The following SND1 variants were observed in gnomAD, a reference collection of about 807,000 sequenced individuals.
SND1 encodes staphylococcal nuclease domain-containing protein 1.
Under a neutral mutation model 121.7 loss-of-function variants are expected in SND1, and 38 were observed. The ratio of observed to expected loss-of-function variants is 0.31; its 90% CI spans 0.24 to 0.41. The LOEUF (loss-of-function observed/expected upper bound fraction) is 0.41, where lower values mean the gene tolerates loss of function less well. Ranked by LOEUF, SND1 falls within the 10% of genes least tolerant of loss-of-function variation. The pLI is 1.00. For synonymous variants in SND1, 401 were observed against 447.4 expected (o/e 0.90, Z 1.31); for missense variants, 868 against 1,184.6 (o/e 0.73, Z 3.92).
intron 11 of SND1, among the ~76,000 whole-genome samples, chr7:127,839,753 C>A (rs1798930243): frequency 6.6e-6 from 1 of 152,124 alleles, no homozygotes; most frequent in South Asian, 2.1e-4. Context: ...TACCCTCTTA[C>A]CTTTGAGAAC....
intron 9 of SND1, among the ~76,000 whole-genome samples, chr7:127,712,757 TA>T (rs1796319113): frequency 6.6e-6 from 1 of 152,202 alleles, no homozygotes; most frequent in South Asian, 2.1e-4. Context: ...TGGGCTTATG[TA>T]TAGATACGTT....
chr7:128,030,360 G>C (rs1181040964), intron 16 of SND1: 1 of 1,614,038 alleles, frequency 6.2e-7, no homozygotes, highest in Non-Finnish European at 8.5e-7. Flanking sequence ...GTGGCGGAAG[G>C]TGTCGGCCTG....
chr7:127,806,457 G>A (rs945364164), intron 10 of SND1, among the ~76,000 whole-genome samples: 2 of 152,244 alleles, frequency 1.3e-5, no homozygotes, highest in Admixed American at 1.3e-4. Context: ...TGTATGTGTT[G>A]ACATACTATT....
intron 10 of SND1, among the ~76,000 whole-genome samples, chr7:127,794,218 G>A (rs1196472954): frequency 6.6e-6 from 1 of 152,278 alleles, no homozygotes; most frequent in African/African-American, 2.4e-5. Context: ...TTTGAATTTG[G>A]TGGATAAAAT....
At chr7:127,919,219 A>C (rs1800649526) in intron 14 of SND1, among the ~76,000 whole-genome samples, 1 of 152,108 alleles carries the variant, frequency 6.6e-6, no homozygotes, top group Non-Finnish European at 1.5e-5. Flanking sequence ...ATTTATTTTG[A>C]TTTTAAGGTA....
intron 5 of SND1, 79 bp from the exon 6 acceptor site, chr7:127,702,356 T>C (rs1796119541): frequency 7.7e-7 from 1 of 1,303,624 alleles, no homozygotes; most frequent in Non-Finnish European, 1.1e-6. Flanking sequence ...GAAACTGTGT[T>C]AAGTGCAGTT....
chr7:127,904,660 C>T, intron 13 of SND1, 87 bp from the exon 14 acceptor site: 3 of 814,808 alleles, frequency 3.7e-6, no homozygotes, highest in Non-Finnish European at 4.3e-6. Flanking sequence ...CTTTAACAAC[C>T]CTCGCTTCTC....
chr7:127,678,693 G>A (rs896632655), intron 1 of SND1, among the ~76,000 whole-genome samples: 11 of 152,172 alleles, frequency 7.2e-5, no homozygotes, highest in African/African-American at 2.7e-4. Context: ...TGCTTGCTTT[G>A]TCTAAATGAC....
At chr7:127,833,013 A>G (rs1798791400) in intron 11 of SND1, among the ~76,000 whole-genome samples, 1 of 152,212 alleles carries the variant, frequency 6.6e-6, no homozygotes, top group African/African-American at 2.4e-5. Flanking sequence ...ATTGTCTTCT[A>G]CAAAATCGGT....
chr7:128,054,448 G>A (rs1393316764), intron 16 of SND1, among the ~76,000 whole-genome samples: 3 of 152,192 alleles, frequency 2.0e-5, no homozygotes, highest in Non-Finnish European at 4.4e-5. Flanking sequence ...GTGGAGGGAG[G>A]CACGAGCACC....
At chr7:128,019,547 CCCT>C (rs1199102904) in intron 16 of SND1, among the ~76,000 whole-genome samples, 1 of 152,194 alleles carries the variant, frequency 6.6e-6, no homozygotes, top group Non-Finnish European at 1.5e-5. Context: ...GAAGCCCCTG[CCCT>C]CCTCTTTATT....
At chr7:128,028,770 C>T (rs768777982) in intron 16 of SND1, 3 of 1,613,856 alleles carry the variant, frequency 1.9e-6, no homozygotes, top group Admixed American at 3.3e-5. Context: ...CAGAGAGTTC[C>T]CCAGGCTGTT....
chr7:127,819,780 C>T (rs567458667), intron 11 of SND1, among the ~76,000 whole-genome samples: 1 of 152,240 alleles, frequency 6.6e-6, no homozygotes, highest in Admixed American at 6.5e-5. Flanking sequence ...TTTAGGGTTC[C>T]AAAAGTTTAA....
intron 11 of SND1, among the ~76,000 whole-genome samples, chr7:127,829,310 T>A (rs1233720116): frequency 1.3e-5 from 2 of 152,098 alleles, no homozygotes; most frequent in African/African-American, 4.8e-5. Flanking sequence ...TGTGAGGCAG[T>A]TTCATTTCCT....
chr7:127,777,563 A>C (rs559952472), intron 10 of SND1, among the ~76,000 whole-genome samples: 1 of 152,234 alleles, frequency 6.6e-6, no homozygotes, highest in African/African-American at 2.4e-5. Flanking sequence ...TGATAGCACT[A>C]TTAAATATTA....
intron 10 of SND1, among the ~76,000 whole-genome samples, chr7:127,749,238 T>C: frequency 6.6e-6 from 1 of 152,082 alleles, no homozygotes; most frequent in Admixed American, 6.6e-5. Flanking sequence ...TTGCCCAGGC[T>C]GGTCTTGAAC....
intron 16 of SND1, among the ~76,000 whole-genome samples, chr7:128,056,248 G>A (rs1056120499): frequency 1.3e-5 from 2 of 152,166 alleles, no homozygotes; most frequent in African/African-American, 4.8e-5. Context: ...CTCTTGCCTC[G>A]AGCATTTATG....
intron 16 of SND1, among the ~76,000 whole-genome samples, chr7:128,036,141 A>G (rs956674359): frequency 2.6e-5 from 4 of 152,256 alleles, no homozygotes; most frequent in African/African-American, 9.6e-5. Flanking sequence ...CAGTAATAAT[A>G]AAAAGTAGGA....
chr7:128,030,463 C>A, intron 16 of SND1: 1 of 1,613,646 alleles, frequency 6.2e-7, no homozygotes, highest in African/African-American at 1.3e-5. Context: ...CGCGTGCACA[C>A]CACCTTGCTG....
Sources: gnomAD v4.1 joint callset for allele counts (sites outside exome capture counted in the v4.1 genomes callset) on GRCh38, gnomAD v4.1.1 for gene constraint, MANE v1.5 for transcripts, NCBI Gene and HGNC (gene_info 2026-07-23, HGNC 2026-07-21) for gene names.